The following SDK1 variants were observed in gnomAD, a reference collection of about 807,000 sequenced individuals.
The protein encoded by SDK1 is protein sidekick-1.
A neutral mutation model predicts 245.5 loss-of-function variants in SDK1; 157 were observed. The observed-to-expected ratio is 0.64, with a 90% CI of 0.56 to 0.73. The LOEUF is 0.73. Ranked by LOEUF, SDK1 falls within the 30% of genes least tolerant of loss-of-function variation. The probability of loss-of-function intolerance (pLI) is 0.00; values close to 1 mark genes in which losing one functional copy is unlikely to be tolerated. For synonymous variants in SDK1, 1,647 were observed against 1,278.5 expected, an observed-to-expected ratio of 1.29 and a Z score of -6.15; for missense variants, 3,583 against 3,002.3, an observed-to-expected ratio of 1.19 and a Z score of -4.52.
At chr7:3,840,775 G>A (rs981060397) in intron 5 of SDK1, among the ~76,000 whole-genome samples, 3 of 152,168 alleles carry the variant, frequency 2.0e-5, no homozygotes, top group African/African-American at 4.8e-5. Context: ...TCCGAGAATC[G>A]CGAGCCTCGC....
intron 28 of SDK1, among the ~76,000 whole-genome samples, chr7:4,140,926 A>AC (rs1287649670): frequency 6.6e-6 from 1 of 151,882 alleles, no homozygotes; most frequent in African/African-American, 2.4e-5. Context: ...ACATAGTGAG[A>AC]CCCCATCTCT....
intron 22 of SDK1, among the ~76,000 whole-genome samples, chr7:4,089,033 C>T (rs968443717): frequency 2.0e-5 from 3 of 148,186 alleles, no homozygotes; most frequent in Non-Finnish European, 3.0e-5. Flanking sequence ...CAATGAGGCC[C>T]CTCAGATGGA....
intron 5 of SDK1, among the ~76,000 whole-genome samples, chr7:3,886,329 C>T (rs1056220662): frequency 1.3e-5 from 2 of 152,276 alleles, no homozygotes; most frequent in African/African-American, 4.8e-5. Context: ...ATAGAGATGC[C>T]GGACATAGGA....
intron 1 of SDK1, among the ~76,000 whole-genome samples, chr7:3,522,127 C>T (rs1486154744): frequency 3.6e-5 from 5 of 139,250 alleles, no homozygotes; most frequent in Non-Finnish European, 6.3e-5. Flanking sequence ...ATTCACCTTA[C>T]TATCTTTGGT....
intron 4 of SDK1, among the ~76,000 whole-genome samples, chr7:3,758,027 G>A (rs997945291): frequency 2.0e-5 from 3 of 152,132 alleles, no homozygotes; most frequent in Non-Finnish European, 4.4e-5. Context: ...AAGACCAAAC[G>A]TATCTTTCTC....
intron 35 of SDK1, among the ~76,000 whole-genome samples, chr7:4,190,132 C>G (rs1007357570): frequency 6.6e-6 from 1 of 152,208 alleles, no homozygotes; most frequent in South Asian, 2.1e-4. Flanking sequence ...GTGAATGGCA[C>G]CTGTTTACAG....
At chr7:4,110,348 C>A (rs554851965) in intron 22 of SDK1, among the ~76,000 whole-genome samples, 1 of 152,176 alleles carries the variant, frequency 6.6e-6, no homozygotes, top group African/African-American at 2.4e-5. Context: ...TGGAAGGTCC[C>A]CTCCATCACT....
At chr7:4,163,075 AG>A (rs1460236540) in intron 32 of SDK1, among the ~76,000 whole-genome samples, 3 of 152,200 alleles carry the variant, frequency 2.0e-5, no homozygotes, top group Non-Finnish European at 4.4e-5. Context: ...ATGGACAGGC[AG>A]GGGGCCAAGC....
At chr7:4,237,852 T>A in intron 42 of SDK1, 68 bp downstream of exon 42, 1 of 1,568,878 alleles carries the variant, frequency 6.4e-7, no homozygotes, top group Non-Finnish European at 8.7e-7. Context: ...GTTCGTTCTC[T>A]CGTGGATCTG....
chr7:3,798,881 G>C (rs186360019), intron 4 of SDK1, among the ~76,000 whole-genome samples: 337 of 152,314 alleles, frequency 2.2e-3, no homozygotes, highest in Non-Finnish European at 3.8e-3. Context: ...CACATACTCT[G>C]CTTTTCTTTG....
At chr7:3,585,217 G>A (rs1037868225) in intron 1 of SDK1, among the ~76,000 whole-genome samples, 1 of 152,236 alleles carries the variant, frequency 6.6e-6, no homozygotes, top group African/African-American at 2.4e-5. Flanking sequence ...GTGTTTCACA[G>A]ACTCACTTTG....
At chr7:3,874,359 G>A (rs1323039985) in intron 5 of SDK1, among the ~76,000 whole-genome samples, 1 of 152,180 alleles carries the variant, frequency 6.6e-6, no homozygotes, top group Non-Finnish European at 1.5e-5. Flanking sequence ...GCTTCTTGCA[G>A]CTCCCCTGCT....
intron 22 of SDK1, among the ~76,000 whole-genome samples, chr7:4,081,259 C>T (rs1440777466): frequency 6.6e-6 from 1 of 152,166 alleles, no homozygotes; most frequent in Non-Finnish European, 1.5e-5. Context: ...GCCCATGTTC[C>T]GTTGCCCAGA....
At chr7:3,992,354 T>G (rs958722568) in intron 14 of SDK1, among the ~76,000 whole-genome samples, 2 of 151,950 alleles carry the variant, frequency 1.3e-5, no homozygotes, top group East Asian at 3.9e-4. Context: ...CTCTGAGAAG[T>G]TTGATGGTTC....
chr7:3,891,416 G>A (rs1028540412), intron 5 of SDK1, among the ~76,000 whole-genome samples: 2 of 152,166 alleles, frequency 1.3e-5, no homozygotes, highest in Non-Finnish European at 2.9e-5. Context: ...TTCTTAACCT[G>A]CTTCCTGCCC....
intron 1 of SDK1, among the ~76,000 whole-genome samples, chr7:3,536,396 G>C (rs1326340515): frequency 1.3e-5 from 2 of 152,172 alleles, no homozygotes; most frequent in South Asian, 4.2e-4. Flanking sequence ...AAAAATCTAT[G>C]CATGGGGCTC....
At chr7:3,783,048 A>G (rs1354266117) in intron 4 of SDK1, among the ~76,000 whole-genome samples, 1 of 152,236 alleles carries the variant, frequency 6.6e-6, no homozygotes, top group African/African-American at 2.4e-5. Flanking sequence ...TTATTCTTCG[A>G]TACAAGGATG....
chr7:3,938,502 C>T (rs972179815), intron 5 of SDK1, among the ~76,000 whole-genome samples: 24 of 151,920 alleles, frequency 1.6e-4, no homozygotes, highest in Admixed American at 5.9e-4. Context: ...CAAAATTAGC[C>T]GGGCGTGGTG....
intron 25 of SDK1, among the ~76,000 whole-genome samples, chr7:4,124,467 G>C (rs1231403648): frequency 6.6e-6 from 1 of 152,164 alleles, no homozygotes; most frequent in Non-Finnish European, 1.5e-5. Flanking sequence ...TCCCTGTTGT[G>C]TGTCTGTGGA....
Sources: gnomAD v4.1 joint callset for allele counts (sites outside exome capture counted in the v4.1 genomes callset) on GRCh38, gnomAD v4.1.1 for gene constraint, MANE v1.5 for transcripts, NCBI Gene and HGNC (gene_info 2026-07-23, HGNC 2026-07-21) for gene names.